PSMF1: variants seen among roughly 807,000 people sequenced by gnomAD.
PSMF1 encodes the protein proteasome inhibitor subunit 1.
In PSMF1, 30 loss-of-function variants were observed where a neutral mutation model predicts 29.3. The ratio of observed to expected loss-of-function variants is 1.02; its 90% confidence interval spans 0.77 to 1.39. The LOEUF is 1.39. Ranked by LOEUF, PSMF1 falls within the 40% of genes most tolerant of loss-of-function variation. The pLI is 0.00. For missense variants in PSMF1, 344 were observed against 357.5 expected, an observed-to-expected ratio of 0.96 and a Z score of 0.31; for synonymous variants, 134 against 139.7, an observed-to-expected ratio of 0.96 and a Z score of 0.29.
At position 1,166,027 on chromosome 20, in the gene PSMF1, T is replaced by A; in HGVS notation, c.*947T>A. On this transcript the variant is annotated 3_prime_UTR_variant, in exon 7 of 7. Coordinates refer to ENST00000335877, the MANE Select transcript of PSMF1 (RefSeq NM_006814.5). Reference sequence around the variant, plus strand: ...TATAAACTGGGGCAGAGGAAAAGAATGATGGTTCAAGGCCATACTTCCCTT... The same window carrying A: ...TATAAACTGGGGCAGAGGAAAAGAAAGATGGTTCAAGGCCATACTTCCCTT... The A allele has an allele frequency of 1.4e-6, 2 of 1,439,246 alleles. No individual in the cohort carries two copies. Among genetic ancestry groups the A allele is most frequent in the South Asian group, 1.5e-5 (1 of 68,040 alleles). The allele number at this position is 1,439,246 out of a possible 1,614,324, so 89.2% of individuals were successfully genotyped here.
rs1228050840 is a variant in PSMF1, at chr20:1,171,733, T to C, written c.*6653T>C. On this transcript the variant is annotated 3_prime_UTR_variant, in exon 7 of 7. Coordinates refer to ENST00000335877, the MANE Select transcript of PSMF1 (RefSeq NM_006814.5). Reference sequence around the variant, plus strand: ...GGCCTTTGGAGCCAGCTCAGGTCAGTGTCTGCTGCTTCCTTACCCAGGATG... The same window carrying C: ...GGCCTTTGGAGCCAGCTCAGGTCAGCGTCTGCTGCTTCCTTACCCAGGATG... 6.6e-6 allele frequency among the ~76,000 whole-genome samples: 1 copy of C among 152,212 alleles called. No homozygotes were observed. Among genetic ancestry groups the C allele is most frequent in the African/African-American group, 2.4e-5 (1 of 41,464 alleles).
Position 1,163,132 on chromosome 20 carries a change from G to A in PSMF1, c.554G>A (p.Cys185Tyr). Residue 185 changes from cysteine (C) to tyrosine (Y), a missense_variant and splice_region_variant, in exon 5 of 7, where the codon TGT (cysteine) becomes TAT (tyrosine). Physicochemically the swap from Cys to Tyr is radical, Grantham distance 194 (BLOSUM62 -2). Coordinates refer to ENST00000335877, the MANE Select transcript of PSMF1 (RefSeq NM_006814.5). This position sits in a 1 kb window ranked among gnomAD's most constrained non-coding sequence, Gnocchi z 6.1. ...TAATTGTCTCTTGTTTGTTTCAGGTGTGATCCCCTGGGCCCGTTTGTTGTC... is the reference window on the plus strand; with the variant it reads ...TAATTGTCTCTTGTTTGTTTCAGGTATGATCCCCTGGGCCCGTTTGTTGTC... The part of the protein sequence containing the change: ...HPHTSRQPPW[C>Y]DPLGPFVVGG... 2 of 1,614,158 alleles carry A rather than the reference G, an allele frequency of 1.2e-6. No individual in the cohort carries two copies. Among genetic ancestry groups the A allele is most frequent in the Non-Finnish European group, 1.7e-6 (2 of 1,180,028 alleles).
intron 4 of PSMF1, 87 bp downstream of exon 4, chr20:1,135,393 C>G (rs551955021): frequency 7.4e-7 from 1 of 1,353,284 alleles, no homozygotes; most frequent in African/African-American, 1.5e-5. Flanking sequence ...GACCCCATCC[C>G]TGGCCCGTAT....
chr20:1,167,872 G>A lies in PSMF1; in HGVS notation c.*2792G>A, dbSNP rs886517348. The A allele has an allele frequency of 6.6e-6, 1 of 152,188 alleles. No homozygotes were observed. Among genetic ancestry groups the A allele is most frequent in the East Asian group, 1.9e-4 (1 of 5,186 alleles). 9.4% of individuals were successfully genotyped at this position (152,188 alleles called of 1,614,324 possible). On this transcript the variant is annotated 3_prime_UTR_variant, in exon 7 of 7. Transcript: ENST00000335877. ...TATATACCAAGGAGTGGAATTGCTGGTTCACATGGTAGCTCTATATTCTAC... is the reference window on the plus strand; with the variant it reads ...TATATACCAAGGAGTGGAATTGCTGATTCACATGGTAGCTCTATATTCTAC...
chr20:1,117,682 G>A (rs1457498041), upstream of PSMF1, among the ~76,000 whole-genome samples: 1 of 152,218 alleles, frequency 6.6e-6, no homozygotes, highest in African/African-American at 2.4e-5. Context: ...TCTGGTTGCG[G>A]AGTGCAGTAC....
At chr20:1,160,587 GAAGAA>G in intron 4 of PSMF1, 1 of 484,948 alleles carries the variant, frequency 2.1e-6, no homozygotes, top group South Asian at 1.5e-5. Flanking sequence ...GATCACAATG[GAAGAA>G]GAGATCACCA....
chr20:1,125,618 A>C lies in PSMF1; in HGVS notation c.250A>C (p.Thr84Pro). 5.6e-6 allele frequency: 9 copies of C among 1,613,892 alleles called. No homozygotes were observed. The highest frequency in any genetic ancestry group is 7.6e-6 in the Non-Finnish European group (9 of 1,179,868). ...GSRKLLVKAI[T>P]VESSMILNVL... ...CAGAAAGCTCCTTGTGAAAGCCATC[A>C]CCGTGGAGAGCAGCATGATCCTCAA... Residue 84 changes from threonine to proline, a missense_variant, in exon 2 of 7, where the codon ACC becomes CCC. Coordinates refer to ENST00000335877, the MANE Select transcript of PSMF1 (RefSeq NM_006814.5).
rs147663160 is a variant in PSMF1, at chr20:1,152,744, G to A, written c.552-10386G>A. Among the ~76,000 whole-genome samples the A allele has an allele frequency of 4.2e-3, 640 of 152,336 alleles. 2 individuals carry two copies. The highest frequency in any genetic ancestry group is 0.015 in the African/African-American group (611 of 41,582). ...GTGGTAGACTATGGTGGTATATAAG[G>A]CAGGTGGCTCTGGGGTATATTTGGA... On this transcript the variant is annotated intron_variant, in intron 4 of 6. Coordinates refer to ENST00000335877, the MANE Select transcript of PSMF1 (RefSeq NM_006814.5).
rs372603862 is a variant in PSMF1 at position 1,125,499 on chromosome 20, C to T, written c.131C>T (p.Pro44Leu). Residue 44 changes from proline to leucine, a missense_variant and splice_region_variant, in exon 2 of 7, where the codon CCG (proline) becomes CTG (leucine). Physicochemically the swap from Pro to Leu is moderately conservative, Grantham distance 98. Transcript: ENST00000335877. ...TCCTCTCAACTGTGGTCTTCCCAGC[C>T]GGGTCCCAATGATAAGAAGTCAGAA... Reference protein sequence around the residue: ...GYFGLGVGDQPGPNDKKSELL... With the variant: ...GYFGLGVGDQLGPNDKKSELL... 32 of 1,604,578 alleles carry T rather than the reference C, an allele frequency of 2.0e-5. No individual in the cohort carries two copies. The highest frequency in any genetic ancestry group is 1.7e-4 in the African/African-American group (13 of 74,584).
intron 4 of PSMF1, among the ~76,000 whole-genome samples, chr20:1,144,158 A>G (rs1390497552): frequency 1.3e-5 from 2 of 152,232 alleles, no homozygotes; most frequent in Non-Finnish European, 2.9e-5. Flanking sequence ...ACAGATGGCA[A>G]AGAAGCAATG....
upstream of PSMF1, among the ~76,000 whole-genome samples, chr20:1,113,682 CTTCTTT>C (rs1353599497): frequency 6.6e-6 from 1 of 151,806 alleles, no homozygotes; most frequent in Non-Finnish European, 1.5e-5. Context: ...CTTTCTTCTT[CTTCTTT>C]TTTTTTGTTT....
At chr20:1,135,708 A>G (rs2086297710) in intron 4 of PSMF1, among the ~76,000 whole-genome samples, 1 of 152,228 alleles carries the variant, frequency 6.6e-6, no homozygotes, top group Non-Finnish European at 1.5e-5. Context: ...ATGTAGAGGT[A>G]CTAGCCCAGA....
At position 1,167,592 on chromosome 20, in the gene PSMF1, A is replaced by G. The variant is rs1372053861; in HGVS notation, c.*2512A>G. 6.6e-6 allele frequency: 1 copy of G among 151,656 alleles called. No individual in the cohort carries two copies. Among genetic ancestry groups the G allele is most frequent in the Non-Finnish European group, 1.5e-5 (1 of 67,934 alleles). 9.4% of individuals were successfully genotyped at this position (151,656 alleles called of 1,614,324 possible). A position where few individuals can be genotyped will look rare whatever the true frequency, so the allele number is the denominator to read the frequency against. ...TTTTTTTTTTCTGGACAGTTCTCAT[A>G]AGTGGAATCACTCAGTATTATGGCC... On this transcript the variant is annotated 3_prime_UTR_variant, in exon 7 of 7. Coordinates refer to ENST00000335877, the MANE Select transcript of PSMF1 (RefSeq NM_006814.5).
chr20:1,141,661 A>G (rs144982760), intron 4 of PSMF1, among the ~76,000 whole-genome samples: 137 of 152,300 alleles, frequency 9.0e-4, no homozygotes, highest in African/African-American at 3.1e-3. Context: ...GCATAATACT[A>G]GAAGTTTTAG....
chr20:1,168,680 T>C lies in PSMF1; in HGVS notation c.*3600T>C, dbSNP rs2086758979. ...AATAGGTAGCAAGTTCCACGCAGCCTCACTCTTTGGAACCTAGTTTCTCCT... is the reference window on the plus strand; with the variant it reads ...AATAGGTAGCAAGTTCCACGCAGCCCCACTCTTTGGAACCTAGTTTCTCCT... On this transcript the variant is annotated 3_prime_UTR_variant, in exon 7 of 7. Transcript: ENST00000335877. 6.6e-6 allele frequency among the ~76,000 whole-genome samples: 1 copy of C among 152,216 alleles called. No individual in the cohort carries two copies. Among genetic ancestry groups the C allele is most frequent in the Non-Finnish European group, 1.5e-5 (1 of 68,032 alleles).
chr20:1,124,698 G>A (rs1397948033), intron 1 of PSMF1, among the ~76,000 whole-genome samples: 1 of 152,238 alleles, frequency 6.6e-6, no homozygotes, highest in Admixed American at 6.5e-5. Flanking sequence ...ATGCTGTGTA[G>A]CTGTGAATGT....
intron 3 of PSMF1, among the ~76,000 whole-genome samples, chr20:1,128,987 T>G (rs2086195769): frequency 6.6e-6 from 1 of 152,130 alleles, no homozygotes; most frequent in Admixed American, 6.5e-5. Flanking sequence ...GCCATTCTCC[T>G]GCCTCAGCCT....
intron 4 of PSMF1, among the ~76,000 whole-genome samples, chr20:1,148,320 A>G (rs998435717): frequency 2.0e-5 from 3 of 152,124 alleles, no homozygotes; most frequent in Admixed American, 2.0e-4. Context: ...TAAGGAAAAT[A>G]TTTTTTTATC....
intron 4 of PSMF1, among the ~76,000 whole-genome samples, chr20:1,145,416 C>T (rs2086437611): frequency 6.6e-6 from 1 of 152,054 alleles, no homozygotes; most frequent in African/African-American, 2.4e-5. Context: ...CTGAGCCTTA[C>T]CTGAAGGCTT....
Sources: gnomAD v4.1 joint callset for allele counts (sites outside exome capture counted in the v4.1 genomes callset) on GRCh38, gnomAD v4.1.1 for gene constraint, Gnocchi (gnomAD v3.1) non-coding constraint, MANE v1.5 for transcripts, NCBI Gene and HGNC (gene_info 2026-07-23, HGNC 2026-07-21) for gene names.